ZNF17: variants seen among roughly 807,000 people sequenced by gnomAD.
ZNF17 encodes zinc finger protein 17 (HPF3, KOX 10).
A neutral mutation model predicts 7.7 loss-of-function variants in ZNF17; 4 were observed. The ratio of observed to expected loss-of-function variants is 0.52; its 90% CI spans 0.26 to 1.20. ZNF17 has a LOEUF of 1.20. ZNF17 is among the 50% of genes most tolerant of loss of function. The pLI is 0.14. For synonymous variants in ZNF17, 249 were observed against 258.8 expected (o/e 0.96, Z 0.36); for missense variants, 738 against 799.5 (o/e 0.92, Z 0.93).
Position 57,411,580 on chromosome 19 carries a change from G to A in ZNF17, c.-21+174G>A, listed in dbSNP as rs946759170. 25 of 1,431,868 alleles carry A rather than the reference G, an allele frequency of 1.7e-5. No homozygotes were observed. In the South Asian group the frequency reaches 3.5e-4, roughly 20 times the overall value. 88.7% of individuals were successfully genotyped at this position (1,431,868 alleles called of 1,614,324 possible). ...GAGCTCCTGTCAGGGACCTGCACGT[G>A]CGAGGCTTAGAGGTGCTGCAGAGCG... On this transcript the variant is annotated intron_variant, in intron 1 of 3. Transcript: ENST00000307658.
chr19:57,412,124 G>A (rs1010227135), intron 1 of ZNF17, among the ~76,000 whole-genome samples: 1 of 152,134 alleles, frequency 6.6e-6, no homozygotes, highest in African/African-American at 2.4e-5. Flanking sequence ...AGGGATTCTG[G>A]CTCATATCTG....
chr19:57,411,623 C>T, intron 1 of ZNF17: 3 of 1,367,686 alleles, frequency 2.2e-6, no homozygotes, highest in Non-Finnish European at 2.8e-6. Context: ...CTGGGGAGCC[C>T]GAGCGTCTTT....
In ZNF17 at chr19:57,421,582, CA is replaced by C; in HGVS notation, c.*102del. On this transcript the variant is annotated 3_prime_UTR_variant, in exon 4 of 4. Transcript: ENST00000307658. ...TTAAAAAAAGTATTCTTGTAGAATA[CA>C]GATAACATAAAATCTAACATCTTAA... is the stretch of plus-strand genomic sequence containing the variant. The C allele has an allele frequency of 7.6e-7, 1 of 1,310,036 alleles. No homozygotes were observed. Among genetic ancestry groups the C allele is most frequent in the East Asian group, 2.4e-5 (1 of 41,458 alleles). 81.2% of individuals were successfully genotyped at this position (1,310,036 alleles called of 1,614,324 possible).
Position 57,418,057 on chromosome 19 carries a change from C to T in ZNF17, c.148+19C>T, listed in dbSNP as rs137976299. On this transcript the variant is annotated intron_variant, in intron 3 of 3. Coordinates refer to ENST00000307658, the MANE Select transcript of ZNF17 (RefSeq NM_001330617.2). ...TCAGTAGGTAAGGCCCTGACACCTA[C>T]GTCAGTGTCTTGTGCTGGGCAATGT... The T allele has an allele frequency of 1.3e-4, 209 of 1,608,116 alleles. No individual in the cohort carries two copies. The highest frequency in any genetic ancestry group is 1.6e-4 in the Non-Finnish European group (191 of 1,176,406).
rs181364772 is a variant in ZNF17 at position 57,416,142 on chromosome 19, G to A, written c.22-1770G>A. Among the ~76,000 whole-genome samples, 66 of 152,294 alleles carry A rather than the reference G, an allele frequency of 4.3e-4. No individual in the cohort carries two copies. In the Middle Eastern group the frequency reaches 0.014, roughly 31 times the overall value. The stretch of plus-strand genomic sequence containing the variant: ...AGAAAGAAACAGGATTGGGTTGGGA[G>A]ACGTTCAAAGCAATGTTTCCTAAAC... On this transcript the variant is annotated intron_variant, in intron 2 of 3. Transcript: ENST00000307658.
At chr19:57,417,835 G>C in intron 2 of ZNF17, 77 bp from the exon 3 acceptor site, 1 of 1,523,786 alleles carries the variant, frequency 6.6e-7, no homozygotes, top group Non-Finnish European at 8.8e-7. Context: ...AACAGAGCGA[G>C]ACTCCATCTC....
At chr19:57,412,441 G>A (rs1208311765) in intron 1 of ZNF17, among the ~76,000 whole-genome samples, 3 of 116,810 alleles carry the variant, frequency 2.6e-5, no homozygotes, top group Admixed American at 2.0e-4. Context: ...TTATGAATGT[G>A]TAAAACATTT....
At chr19:57,411,629 T>C in intron 1 of ZNF17, 1 of 1,372,550 alleles carries the variant, frequency 7.3e-7, no homozygotes, top group Non-Finnish European at 9.4e-7. Flanking sequence ...AGCCCGAGCG[T>C]CTTTGTCTCC....
chr19:57,421,231 G>C lies in ZNF17; in HGVS notation c.1745G>C (p.Arg582Thr). 1.2e-6 allele frequency: 2 copies of C among 1,614,022 alleles called. No homozygotes were observed. The highest frequency in any genetic ancestry group is 8.5e-7 in the Non-Finnish European group (1 of 1,180,002). Residue 582 changes from arginine (R) to threonine (T), a missense_variant, in exon 4 of 4, where the codon AGA becomes ACA. Arg to Thr is a moderately conservative substitution (Grantham distance 71, BLOSUM62 -1). Around this residue, in one of 3 missense-constraint regions of ZNF17, gnomAD observed 116 missense variants for 114.0 expected, o/e 1.02. Coordinates refer to ENST00000307658, the MANE Select transcript of ZNF17 (RefSeq NM_001330617.2). ...CACCAAAAAGTTCACACTAGGGAAA[G>C]AACTTACAAATGCAGCAAATGTGGG... Reference protein sequence around the residue: ...IRHQKVHTRERTYKCSKCGKF... With the variant: ...IRHQKVHTRETTYKCSKCGKF...
chr19:57,419,773 A>G lies in ZNF17; in HGVS notation c.287A>G (p.Lys96Arg). The change falls in exon 4 of 4, where the codon AAG becomes AGG. Residue 96 changes from lysine to arginine, a missense_variant. Lys to Arg is a conservative substitution (Grantham distance 26). Transcript: ENST00000307658. ...QPCETCSSLL[K>R]DILHLAEHDG... ...TGTGAGACATGTAGCTCACTTCTGA[A>G]GGACATTCTACACCTGGCTGAGCAT... is the stretch of plus-strand genomic sequence containing the variant. The G allele has an allele frequency of 6.2e-7, 1 of 1,614,200 alleles. No individual in the cohort carries two copies. The highest frequency in any genetic ancestry group is 8.5e-7 in the Non-Finnish European group (1 of 1,180,036).
At chr19:57,411,780 G>T in intron 1 of ZNF17, 1 of 708,880 alleles carries the variant, frequency 1.4e-6, no homozygotes, top group African/African-American at 1.9e-5. Context: ...AGGACAAGGG[G>T]ACCGCTGAGG....
chr19:57,421,254 G>C lies in ZNF17; in HGVS notation c.1768G>C (p.Gly590Arg), dbSNP rs2088849630. 1 of 1,613,858 alleles carries C rather than the reference G, an allele frequency of 6.2e-7. No homozygotes were observed. The highest frequency in any genetic ancestry group is 2.2e-5 in the East Asian group (1 of 44,848). The change falls in exon 4 of 4, where the codon GGG becomes CGG. Residue 590 changes from glycine (G) to arginine (R), a missense_variant. Physicochemically the swap from Gly to Arg is moderately radical, Grantham distance 125 (BLOSUM62 -2). Around this residue, in one of 3 missense-constraint regions of ZNF17, gnomAD observed 116 missense variants for 114.0 expected, o/e 1.02. Transcript: ENST00000307658. Reference sequence around the variant, plus strand: ...AAGAACTTACAAATGCAGCAAATGTGGGAAATTTTTTATGGACAGCTCCAC... The same window carrying C: ...AAGAACTTACAAATGCAGCAAATGTCGGAAATTTTTTATGGACAGCTCCAC... ...RERTYKCSKC[G>R]KFFMDSSTLI...
In ZNF17 at chr19:57,421,615, T is replaced by A; in HGVS notation, c.*134T>A. On this transcript the variant is annotated 3_prime_UTR_variant, in exon 4 of 4. Transcript: ENST00000307658. Reference sequence around the variant, plus strand: ...ATAAAATCTAACATCTTAACCATGTTAAAGTGTATAGTTCAGTACTGTTAA... The same window carrying A: ...ATAAAATCTAACATCTTAACCATGTAAAAGTGTATAGTTCAGTACTGTTAA... 1 of 1,055,136 alleles carries A rather than the reference T, an allele frequency of 9.5e-7. No homozygotes were observed. Among genetic ancestry groups the A allele is most frequent in the Non-Finnish European group, 1.3e-6 (1 of 743,884 alleles). The allele number at this position is 1,055,136 out of a possible 1,614,324, so 65.4% of individuals were successfully genotyped here.
intron 1 of ZNF17, chr19:57,411,725 C>T (rs998062488): frequency 1.7e-6 from 2 of 1,200,538 alleles, no homozygotes; most frequent in African/African-American, 3.1e-5. Context: ...AAGGGTTATG[C>T]CCAGAGGTAG....
Position 57,421,297 on chromosome 19 carries a change from G to C in ZNF17, c.1811G>C (p.Arg604Thr). The change falls in exon 4 of 4, where the codon AGA becomes ACA. Residue 604 changes from arginine to threonine, a missense_variant. Physicochemically the swap from Arg to Thr is moderately conservative, Grantham distance 71 (BLOSUM62 -1). This residue lies in a region of ZNF17 where 116 missense variants were observed against 114.0 expected (regional missense o/e 1.02). Transcript: ENST00000307658. ...AGCTCCACACTCATTAGTCATGAGA[G>C]AGTTCATACTGGAGAAAAGCCTTAT... ...MDSSTLISHE[R>T]VHTGEKPYEC... 6.2e-7 allele frequency: 1 copy of C among 1,613,976 alleles called. No individual in the cohort carries two copies. The highest frequency in any genetic ancestry group is 8.5e-7 in the Non-Finnish European group (1 of 1,179,954).
In ZNF17 at chr19:57,420,661, A is replaced by C; in HGVS notation, c.1175A>C (p.Glu392Ala). 1 of 1,614,010 alleles carries C rather than the reference A, an allele frequency of 6.2e-7. No homozygotes were observed. Among genetic ancestry groups the C allele is most frequent in the Non-Finnish European group, 8.5e-7 (1 of 1,179,962 alleles). Residue 392 changes from glutamate (E) to alanine (A), a missense_variant, in exon 4 of 4, where the codon GAA becomes GCA. Physicochemically the swap from Glu to Ala is moderately radical, Grantham distance 107. Coordinates refer to ENST00000307658, the MANE Select transcript of ZNF17 (RefSeq NM_001330617.2). The stretch of plus-strand genomic sequence containing the variant: ...GGAGAAAAACCTTATGAATGCAACG[A>C]ATGTGGGAAATTCTTTAGATACCGT... ...HTGEKPYECN[E>A]CGKFFRYRST...
intron 2 of ZNF17, 111 bp downstream of exon 2, chr19:57,413,747 T>C: frequency 7.5e-7 from 1 of 1,331,602 alleles, no homozygotes; most frequent in Non-Finnish European, 1.0e-6. Flanking sequence ...CTCCCTTGGG[T>C]CCAAGGAGAG....
In ZNF17 at chr19:57,421,472, C is replaced by T; in HGVS notation, c.1986C>T (p.His662=). 6.2e-7 allele frequency: 1 copy of T among 1,602,456 alleles called. No individual in the cohort carries two copies. The highest frequency in any genetic ancestry group is 8.5e-7 in the Non-Finnish European group (1 of 1,173,984). Residue 662 remains histidine (H), a synonymous_variant, in exon 4 of 4, where the codon CAC becomes CAT. Coordinates refer to ENST00000307658, the MANE Select transcript of ZNF17 (RefSeq NM_001330617.2). ...NSHLIQHQKV[H]TR is the part of the protein sequence containing the mutation. ...ATCTCATTCAGCACCAGAAAGTTCA[C>T]ACCAGATAAAGAATGTATATATAAA...
intron 3 of ZNF17, among the ~76,000 whole-genome samples, chr19:57,418,570 C>T (rs75901830): frequency 0.014 from 2,182 of 152,260 alleles, 28 homozygotes; most frequent in Middle Eastern, 0.041. Context: ...TGGCTAACGC[C>T]ACACCTAGAT....
Sources: allele counts gnomAD v4.1 joint callset (sites outside exome capture counted in the v4.1 genomes callset), GRCh38; gene constraint gnomAD v4.1.1; regional missense constraint gnomAD v4.1.1; transcripts MANE v1.5; gene names NCBI Gene and HGNC (gene_info 2026-07-23, HGNC 2026-07-21).